Variants in FBXL13 observed in about 807,000 individuals in gnomAD.
The protein encoded by FBXL13 is F-box and leucine-rich repeat protein 13.
FBXL13 carries 67 observed loss-of-function variants against 83.6 expected under a neutral mutation model. The observed-to-expected ratio is 0.80, with a 90% confidence interval of 0.66 to 0.98. The LOEUF (loss-of-function observed/expected upper bound fraction) is 0.98. Among genes scored for constraint, FBXL13 ranks in the 50% least tolerant of loss-of-function variants. The probability of loss-of-function intolerance (pLI) is 0.00; values close to 1 mark genes in which losing one functional copy is unlikely to be tolerated. For missense variants in FBXL13, 822 were observed against 866.5 expected, an observed-to-expected ratio of 0.95 and a Z score of 0.64; for synonymous variants, 272 against 299.5, an observed-to-expected ratio of 0.91 and a Z score of 0.95.
At chr7:103,012,374 C>CAA (rs774447997) in intron 6 of FBXL13, among the ~76,000 whole-genome samples, 10 of 52,944 alleles carry the variant, frequency 1.9e-4, no homozygotes, top group South Asian at 6.1e-4. Context: ...AACTCCAACT[C>CAA]AAAAAAAAAA....
At chr7:102,828,286 A>C (rs1177767880) in intron 18 of FBXL13, among the ~76,000 whole-genome samples, 1 of 151,902 alleles carries the variant, frequency 6.6e-6, no homozygotes, top group Non-Finnish European at 1.5e-5. Context: ...TTCTCCTTGA[A>C]GAGGTCCTTC....
chr7:102,916,137 C>T (rs561615065), intron 10 of FBXL13, among the ~76,000 whole-genome samples: 5 of 152,228 alleles, frequency 3.3e-5, no homozygotes, highest in South Asian at 2.1e-4. Context: ...GCACCCACCA[C>T]GACGCCTGGC....
intron 1 of FBXL13, among the ~76,000 whole-genome samples, chr7:103,072,438 G>A (rs1338221059): frequency 6.6e-6 from 1 of 152,128 alleles, no homozygotes; most frequent in Non-Finnish European, 1.5e-5. Context: ...CCTCCTCTAT[G>A]GGTGCAGAAC....
intron 8 of FBXL13, among the ~76,000 whole-genome samples, chr7:102,952,849 T>TTACA (rs1823628094): frequency 6.6e-6 from 1 of 152,082 alleles, no homozygotes; most frequent in Non-Finnish European, 1.5e-5. Flanking sequence ...CTGGGTGTGG[T>TTACA]GGCACGCACC....
At chr7:102,904,006 CAT>C (rs574474091) in intron 11 of FBXL13, among the ~76,000 whole-genome samples, 132 of 130,418 alleles carry the variant, frequency 1.0e-3, no homozygotes, top group Non-Finnish European at 1.3e-3. Context: ...ATACTGGCCT[CAT>C]AGAATTAGTT....
intron 6 of FBXL13, among the ~76,000 whole-genome samples, chr7:103,019,089 G>C (rs1439450414): frequency 2.6e-5 from 4 of 151,826 alleles, no homozygotes; most frequent in Non-Finnish European, 4.4e-5. Context: ...CACTCCTCAG[G>C]AAATGTAAAA....
At chr7:103,021,254 T>C (rs1793132019) in intron 6 of FBXL13, among the ~76,000 whole-genome samples, 1 of 152,304 alleles carries the variant, frequency 6.6e-6, no homozygotes, top group African/African-American at 2.4e-5. Flanking sequence ...ATTTAATAAA[T>C]GGTGCTGGAA....
In FBXL13 at chr7:103,058,364, G is replaced by C. The variant is rs571029895; in HGVS notation, c.-104-2617C>G. Among the ~76,000 whole-genome samples, 5 of 152,278 alleles carry C rather than the reference G, an allele frequency of 3.3e-5. No homozygotes were observed. The South Asian group carries it at 1.0e-3, about 32-fold the overall frequency. The stretch of plus-strand genomic sequence containing the variant: ...GACTATAGTTGCACAGGAGATTAGT[G>C]GTCTCACCACAGTTGCAACCTGAAT... On this transcript the variant is annotated intron_variant, in intron 1 of 19. Transcript: ENST00000313221.
chr7:103,027,147 T>A (rs1329373232), intron 5 of FBXL13, among the ~76,000 whole-genome samples: 1 of 151,842 alleles, frequency 6.6e-6, no homozygotes. Flanking sequence ...TACAAAAAAA[T>A]TAGCTGGGTG....
At chr7:102,984,381 T>C (rs1828684014) in intron 6 of FBXL13, among the ~76,000 whole-genome samples, 1 of 152,178 alleles carries the variant, frequency 6.6e-6, no homozygotes, top group African/African-American at 2.4e-5. Context: ...TATCCATCCA[T>C]CCATCCATTA....
chr7:102,839,669 ACTC>A (rs1281705267), intron 17 of FBXL13, among the ~76,000 whole-genome samples: 6 of 151,080 alleles, frequency 4.0e-5, no homozygotes, highest in Non-Finnish European at 8.9e-5. Context: ...CTGGTCTTGA[ACTC>A]CTGACCTCAG....
At position 102,960,212 on chromosome 7, in the gene FBXL13, G is replaced by A. The variant is rs192299590; in HGVS notation, c.724+3321C>T. ...TCAAGAATAGACCAAGCACCTCTAC[G>A]CAAATAAACTAGAAAATCTAGAAGA... On this transcript the variant is annotated intron_variant, in intron 8 of 19. Transcript: ENST00000313221. 2.7e-3 allele frequency among the ~76,000 whole-genome samples: 416 copies of A among 152,090 alleles called. 3 individuals carry two copies. The highest frequency in any genetic ancestry group is 9.6e-3 in the African/African-American group (399 of 41,490).
intron 8 of FBXL13, among the ~76,000 whole-genome samples, chr7:102,959,245 C>T (rs998928428): frequency 6.6e-6 from 1 of 152,024 alleles, no homozygotes; most frequent in Non-Finnish European, 1.5e-5. Context: ...AGAATTATTC[C>T]ATTTTGCATA....
chr7:102,912,680 C>T (rs116275663), intron 11 of FBXL13, among the ~76,000 whole-genome samples: 3 of 138,148 alleles, frequency 2.2e-5, no homozygotes, highest in Non-Finnish European at 3.1e-5. Flanking sequence ...TACCCCCCCC[C>T]CCCCAAAAAA....
At chr7:103,014,724 C>T (rs1792050127) in intron 6 of FBXL13, among the ~76,000 whole-genome samples, 1 of 151,790 alleles carries the variant, frequency 6.6e-6, no homozygotes, top group African/African-American at 2.4e-5. Flanking sequence ...GAGATCGAGA[C>T]CATCCTGGCT....
chr7:102,944,660 G>A, intron 8 of FBXL13: 10 of 1,454,908 alleles, frequency 6.9e-6, no homozygotes, highest in Non-Finnish European at 7.4e-6. Flanking sequence ...ACTGGTGTTA[G>A]AAAACATATG....
At chr7:102,831,350 G>A (rs1334364944) in intron 18 of FBXL13, among the ~76,000 whole-genome samples, 1 of 151,604 alleles carries the variant, frequency 6.6e-6, no homozygotes, top group Admixed American at 6.6e-5. Context: ...CTGACATATA[G>A]TGAGTAGAGG....
At chr7:102,903,594 T>A (rs748286987) in intron 11 of FBXL13, among the ~76,000 whole-genome samples, 21 of 152,162 alleles carry the variant, frequency 1.4e-4, no homozygotes, top group Non-Finnish European at 2.4e-4. Context: ...GTTTCTTCTA[T>A]CCCTAGTTTT....
chr7:102,849,532 C>G (rs1031390608), intron 17 of FBXL13, among the ~76,000 whole-genome samples: 5 of 152,208 alleles, frequency 3.3e-5, no homozygotes, highest in African/African-American at 1.2e-4. Context: ...AACAGAATCT[C>G]TCCTATAGTT....
Sources: allele counts gnomAD v4.1 joint callset (sites outside exome capture counted in the v4.1 genomes callset), GRCh38; gene constraint gnomAD v4.1.1; transcripts MANE v1.5; gene names NCBI Gene and HGNC (gene_info 2026-07-23, HGNC 2026-07-21).